Variants in RGN observed in about 807,000 individuals in gnomAD.
RGN encodes epididymis secretory protein Li 41.
RGN carries 19 observed loss-of-function variants against 20.6 expected under a neutral mutation model. The ratio of observed to expected loss-of-function variants is 0.92; its 90% CI spans 0.64 to 1.35. The LOEUF is 1.35. Among genes scored for constraint, RGN ranks in the 40% most tolerant of loss-of-function variants. RGN has a pLI of 0.00. For missense variants in RGN, 302 were observed against 232.7 expected (o/e 1.30, Z -1.94); for synonymous variants, 85 against 87.2 (o/e 0.97, Z 0.14).
chrX:47,091,142 C>G (rs1325549698), intron 5 of RGN, among the ~76,000 whole-genome samples: 2 of 110,751 alleles, frequency 1.8e-5, no homozygotes, highest in Non-Finnish European at 3.8e-5. Context: ...ACGGTTACCC[C>G]CCTTTAAGGG....
intron 3 of RGN, among the ~76,000 whole-genome samples, chrX:47,083,948 G>C (rs1556382707): frequency 9.1e-6 from 1 of 110,332 alleles, no homozygotes; most frequent in African/African-American, 3.3e-5. Flanking sequence ...GCAAATCCTG[G>C]ATTGGAGAGG....
chrX:47,081,304 A>G lies in RGN; in HGVS notation c.160A>G (p.Met54Val). The G allele has an allele frequency of 2.5e-6, 3 of 1,209,429 alleles. No homozygotes were observed. The highest frequency in any genetic ancestry group is 3.4e-6 in the Non-Finnish European group (3 of 894,098). The change falls in exon 3 of 8, where the codon ATG (methionine) becomes GTG (valine). Residue 54 changes from methionine to valine, a missense_variant. Transcript: ENST00000397180. ...SFTKQVQRVTMDAPVSSVALR... is the reference protein window; with the variant it reads ...SFTKQVQRVTVDAPVSSVALR... ...CACCAAGCAAGTACAGCGAGTGACC[A>G]TGGGTAAGGATGAAGGCTGGACTCA... is the stretch of plus-strand genomic sequence containing the variant.
chrX:47,085,583 T>C (rs1306714649), intron 4 of RGN, among the ~76,000 whole-genome samples: 5 of 111,375 alleles, frequency 4.5e-5, no homozygotes, highest in Non-Finnish European at 7.5e-5. Context: ...ATTGCTAACA[T>C]TTTGTTCCAT....
At chrX:47,091,604 C>T (rs1556387862) in intron 5 of RGN, 74 bp from the exon 6 acceptor site, 4 of 1,095,519 alleles carry the variant, frequency 3.7e-6, no homozygotes, top group Non-Finnish European at 4.9e-6. Flanking sequence ...TGAGAGCTCT[C>T]GGTTTGATTC....
chrX:47,079,426 T>G (rs191223032), intron 1 of RGN, among the ~76,000 whole-genome samples: 11 of 109,213 alleles, frequency 1.0e-4, no homozygotes, highest in Non-Finnish European at 1.9e-4. Context: ...GTTTTGTTTT[T>G]TTGTTTTTTT....
rs1556388122 is a variant in RGN at position 47,092,054 on chromosome X, G to T, written c.695-7G>T. On this transcript the variant is annotated splice_region_variant and splice_polypyrimidine_tract_variant and intron_variant, in intron 6 of 7. Coordinates refer to ENST00000397180, the MANE Select transcript of RGN (RefSeq NM_152869.4). ...CTAAACTTAAAATAAAATATTTGGTGGTCTAGGGAAAAGACTTCAAACTGT... is the reference window on the plus strand; with the variant it reads ...CTAAACTTAAAATAAAATATTTGGTTGTCTAGGGAAAAGACTTCAAACTGT... The T allele has an allele frequency of 1.7e-6, 2 of 1,199,312 alleles. No individual in the cohort carries two copies.
At chrX:47,090,087 T>C (rs1208540144) in intron 5 of RGN, 96 bp downstream of exon 5, 47 of 564,172 alleles carry the variant, frequency 8.3e-5, no homozygotes, top group Non-Finnish European at 1.2e-4. Context: ...TGTGAAGAAG[T>C]CTTCACTTAA....
At chrX:47,089,316 G>A in intron 4 of RGN, among the ~76,000 whole-genome samples, 1 of 43,405 alleles carries the variant, frequency 2.3e-5, no homozygotes, top group Non-Finnish European at 5.1e-5. Context: ...GTTTTAATTT[G>A]CATTATATGC....
At chrX:47,086,450 A>G (rs1930592542) in intron 4 of RGN, among the ~76,000 whole-genome samples, 2 of 111,273 alleles carry the variant, frequency 1.8e-5, no homozygotes, top group East Asian at 2.8e-4. Context: ...TGAAACTTAG[A>G]GGCTTAAAAT....
intron 3 of RGN, among the ~76,000 whole-genome samples, chrX:47,081,518 T>A (rs1930310683): frequency 1.4e-5 from 1 of 70,850 alleles, no homozygotes; most frequent in African/African-American, 5.5e-5. Flanking sequence ...TCCTAGTTTT[T>A]TTTTGGGGGG....
chrX:47,082,590 G>T (rs781870383), intron 3 of RGN, among the ~76,000 whole-genome samples: 1 of 110,912 alleles, frequency 9.0e-6, no homozygotes, highest in Non-Finnish European at 1.9e-5. Context: ...TGAGATTACA[G>T]GTGTGGGCCA....
At chrX:47,090,927 A>AGAAGGAAAGAAG (rs1569540727) in intron 5 of RGN, among the ~76,000 whole-genome samples, 1 of 31,145 alleles carries the variant, frequency 3.2e-5, no homozygotes, top group African/African-American at 9.5e-5. Flanking sequence ...AAAGAAAGAA[A>AGAAGGAAAGAAG]GAAAGAAAGA....
chrX:47,084,498 T>C lies in RGN; in HGVS notation c.244T>C (p.Trp82Arg). ...TIGTKFCALN[W>R]KEQSAVVLAT... ...TGGAACAAAGTTCTGTGCTTTGAAC[T>C]GGAAAGAACAATCAGCAGTTGTCTT... Residue 82 changes from tryptophan (W) to arginine (R), a missense_variant, in exon 4 of 8, where the codon TGG (tryptophan) becomes CGG (arginine). Transcript: ENST00000397180. 1 of 1,204,747 alleles carries C rather than the reference T, an allele frequency of 8.3e-7. No individual in the cohort carries two copies. Among genetic ancestry groups the C allele is most frequent in the East Asian group, 3.0e-5 (1 of 33,690 alleles).
chrX:47,079,231 A>C (rs149885920), intron 1 of RGN, among the ~76,000 whole-genome samples: 1,238 of 109,831 alleles, frequency 0.011, 22 homozygotes, highest in African/African-American at 0.038. Flanking sequence ...AAGTGCTGGA[A>C]TTACAGGCAC....
intron 3 of RGN, among the ~76,000 whole-genome samples, chrX:47,082,907 T>G (rs1466783064): frequency 1.8e-5 from 2 of 109,495 alleles, no homozygotes; most frequent in Non-Finnish European, 3.8e-5. Flanking sequence ...TCCTACACAT[T>G]CCTTGGGACC....
intron 5 of RGN, among the ~76,000 whole-genome samples, chrX:47,090,354 ATAATACT>A (rs1390341092): frequency 3.6e-5 from 4 of 111,738 alleles, no homozygotes; most frequent in Admixed American, 9.6e-5. Flanking sequence ...CTAAAGGCAG[ATAATACT>A]TAATGGAGTA....
chrX:47,085,693 G>A (rs191941530), intron 4 of RGN, among the ~76,000 whole-genome samples: 36 of 110,885 alleles, frequency 3.2e-4, no homozygotes, highest in African/African-American at 1.1e-3. Flanking sequence ...ATGTTGCCCA[G>A]GCTGGTCTCA....
intron 4 of RGN, 45 bp downstream of exon 4, chrX:47,084,645 A>G: frequency 9.2e-7 from 1 of 1,081,961 alleles, no homozygotes; most frequent in South Asian, 2.2e-5. Flanking sequence ...CCTTGGAGGA[A>G]ATACTTTGAC....
At chrX:47,082,783 GC>G (rs1930400452) in intron 3 of RGN, among the ~76,000 whole-genome samples, 1 of 86,921 alleles carries the variant, frequency 1.2e-5, no homozygotes. Context: ...TGAAAAGCCC[GC>G]CCCCACCACC....
Sources: gnomAD v4.1 joint callset for allele counts (sites outside exome capture counted in the v4.1 genomes callset) on GRCh38, gnomAD v4.1.1 for gene constraint, MANE v1.5 for transcripts, NCBI Gene and HGNC (gene_info 2026-07-23, HGNC 2026-07-21) for gene names.